The following LAMB3 variants were observed in gnomAD, a reference collection of about 807,000 sequenced individuals.
The protein encoded by LAMB3 is laminin subunit beta 3, also known as laminin subunit beta-3.
A neutral mutation model predicts 140.3 loss-of-function variants in LAMB3; 104 were observed. The observed-to-expected ratio is 0.74, with a 90% CI of 0.63 to 0.87. The LOEUF is 0.87. Ranked by LOEUF, LAMB3 falls within the 40% of genes least tolerant of loss-of-function variation. The pLI, the probability that LAMB3 is intolerant of heterozygous loss-of-function variation, is 0.00. For synonymous variants in LAMB3, 592 were observed against 602.9 expected (o/e 0.98, Z 0.26); for missense variants, 1,531 against 1,575.2 (o/e 0.97, Z 0.47).
intron 3 of LAMB3, among the ~76,000 whole-genome samples, chr1:209,639,848 T>G (rs2076450851): frequency 6.6e-6 from 1 of 152,218 alleles, no homozygotes; most frequent in South Asian, 2.1e-4. Context: ...CTCCTGGACC[T>G]GCAGGTCCTT....
chr1:209,621,314 C>T (rs1179897274), intron 18 of LAMB3, among the ~76,000 whole-genome samples: 1 of 152,216 alleles, frequency 6.6e-6, no homozygotes, highest in African/African-American at 2.4e-5. Flanking sequence ...GGGGCACAAT[C>T]TCCCTACATC....
chr1:209,640,329 C>A (rs553491800), intron 3 of LAMB3, among the ~76,000 whole-genome samples: 1 of 152,244 alleles, frequency 6.6e-6, no homozygotes. Flanking sequence ...GCAGGCAGAT[C>A]ACGAGGTCAG....
At chr1:209,648,986 A>G (rs2076541386) in intron 3 of LAMB3, among the ~76,000 whole-genome samples, 1 of 152,154 alleles carries the variant, frequency 6.6e-6, no homozygotes, top group Admixed American at 6.5e-5. Context: ...ACCCTGTCAA[A>G]TGAGCTTCCC....
intron 12 of LAMB3, 132 bp from the exon 13 acceptor site, chr1:209,627,110 G>T: frequency 1.3e-6 from 1 of 776,668 alleles, no homozygotes; most frequent in Non-Finnish European, 2.2e-6. Context: ...GAGCTGCTGT[G>T]CCCACAAAAC....
intron 1 of LAMB3, 137 bp from the exon 2 acceptor site, chr1:209,651,118 G>A: frequency 1.4e-6 from 1 of 701,562 alleles, no homozygotes; most frequent in African/African-American, 1.8e-5. Flanking sequence ...ACTTGGAGCA[G>A]CAGATACATT....
rs573466593 is a variant in LAMB3, at chr1:209,642,871, G to A, written c.184-4223C>T. 8.0e-4 allele frequency among the ~76,000 whole-genome samples: 122 copies of A among 152,264 alleles called. 1 individual carries two copies. The highest frequency in any genetic ancestry group is 2.8e-3 in the African/African-American group (118 of 41,544). On this transcript the variant is annotated intron_variant, in intron 3 of 22. Coordinates refer to ENST00000356082, the MANE Select transcript of LAMB3 (RefSeq NM_000228.3). The stretch of plus-strand genomic sequence containing the variant: ...AACAAAACCAACTAAAAATGGCCAG[G>A]GTTTATTGCCCTGCTCCTCCCTCAG...
Position 209,622,381 on chromosome 1 carries a change from C to T in LAMB3, c.2701+155G>A, listed in dbSNP as rs559140001. Among the ~76,000 whole-genome samples the T allele has an allele frequency of 8.5e-5, 13 of 152,178 alleles. No homozygotes were observed. In the East Asian group the frequency reaches 1.2e-3, roughly 14 times the overall value. On this transcript the variant is annotated intron_variant, in intron 18 of 22. Coordinates refer to ENST00000356082, the MANE Select transcript of LAMB3 (RefSeq NM_000228.3). ...TGGGTGGGGAGGGCAGACGGGAGAA[C>T]GAGAAGGTCATGGCCATGGTGCCAA...
chr1:209,631,682 G>C (rs1265200164), intron 8 of LAMB3, among the ~76,000 whole-genome samples: 2 of 152,148 alleles, frequency 1.3e-5, no homozygotes, highest in Non-Finnish European at 2.9e-5. Context: ...CTCCCACCTC[G>C]TCATGTCATA....
chr1:209,619,764 G>C (rs1211450208), intron 18 of LAMB3, among the ~76,000 whole-genome samples: 1 of 152,196 alleles, frequency 6.6e-6, no homozygotes, highest in Non-Finnish European at 1.5e-5. Context: ...CCCAGGCCCA[G>C]TTTCACTCTA....
intron 19 of LAMB3, among the ~76,000 whole-genome samples, 171 bp downstream of exon 19, chr1:209,618,281 T>C (rs1666057766): frequency 6.6e-6 from 1 of 152,180 alleles, no homozygotes; most frequent in African/African-American, 2.4e-5. Context: ...GAAGACACAG[T>C]CATGCAAATT....
intron 3 of LAMB3, among the ~76,000 whole-genome samples, chr1:209,647,564 G>A (rs1360718704): frequency 1.3e-5 from 2 of 152,214 alleles, no homozygotes; most frequent in African/African-American, 4.8e-5. Context: ...ATAGAACAGA[G>A]GCACTAGCCA....
At chr1:209,646,076 G>A (rs1196922093) in intron 3 of LAMB3, among the ~76,000 whole-genome samples, 1 of 152,224 alleles carries the variant, frequency 6.6e-6, no homozygotes. Context: ...CTGTTATTAA[G>A]GCAGCTGGGC....
rs779681550 is a variant in LAMB3 at position 209,629,921 on chromosome 1, G to A, written c.948C>T (p.Cys316=). 1.8e-5 allele frequency: 29 copies of A among 1,613,536 alleles called. No homozygotes were observed. The highest frequency in any genetic ancestry group is 4.5e-5 in the East Asian group (2 of 44,890). ...EGQDAHECQR[C]DCNGHSETCH... is the part of the protein sequence containing the mutation. The stretch of plus-strand genomic sequence containing the variant: ...ATGTCTCTGAGTGCCCATTGCAGTC[G>A]CACCCTGGAAAAAGAGAGTCCCAGG... The change falls in exon 10 of 23, where the codon TGC becomes TGT. Residue 316 remains cysteine (C), a synonymous_variant. Transcript: ENST00000356082.
rs200469035 is a variant in LAMB3 at position 209,615,355 on chromosome 1, C to T, written c.3435G>A (p.Ala1145=). The part of the protein sequence containing the change: ...RGSQAIMLRS[A]DLTGLEKRVE... ...CACGCTTCTCCAGTCCTGTCAGGTC[C>T]GCTGAGCGCAGCATGATGGCCTGGC... Residue 1145 remains alanine, a synonymous_variant, in exon 23 of 23, where the codon GCG becomes GCA. Coordinates refer to ENST00000356082, the MANE Select transcript of LAMB3 (RefSeq NM_000228.3). 1.6e-4 allele frequency: 257 copies of T among 1,613,334 alleles called. No individual in the cohort carries two copies. Among genetic ancestry groups the T allele is most frequent in the Non-Finnish European group, 1.9e-4 (220 of 1,179,630 alleles).
chr1:209,651,697 T>C (rs2076567736), intron 1 of LAMB3, among the ~76,000 whole-genome samples: 1 of 152,102 alleles, frequency 6.6e-6, no homozygotes, highest in Non-Finnish European at 1.5e-5. Flanking sequence ...TGAAGGAGGC[T>C]GGGGAAGGAT....
chr1:209,638,084 T>G, intron 4 of LAMB3, 103 bp from the exon 5 acceptor site: 7 of 938,114 alleles, frequency 7.5e-6, no homozygotes, highest in South Asian at 1.4e-5. Flanking sequence ...AGAAACTCTC[T>G]AACCTTGATT....
At chr1:209,646,055 G>A (rs768904993) in intron 3 of LAMB3, among the ~76,000 whole-genome samples, 7 of 152,224 alleles carry the variant, frequency 4.6e-5, no homozygotes, top group Non-Finnish European at 8.8e-5. Flanking sequence ...TGAGGAATGC[G>A]CTGTGTAAGA....
intron 3 of LAMB3, among the ~76,000 whole-genome samples, chr1:209,641,893 C>T (rs969375015): frequency 3.3e-5 from 5 of 152,206 alleles, no homozygotes; most frequent in Non-Finnish European, 7.3e-5. Flanking sequence ...AACTTTTCCA[C>T]TCCCGTCCTC....
rs535099299 is a variant in LAMB3, at chr1:209,628,570, G to T, written c.1133-380C>A. On this transcript the variant is annotated intron_variant, in intron 10 of 22. Coordinates refer to ENST00000356082, the MANE Select transcript of LAMB3 (RefSeq NM_000228.3). ...AAATTAGCCAGGCACGGTGGCGCATGCCTGTAATGCCAGCTACCAGGAGGC... is the reference window on the plus strand; with the variant it reads ...AAATTAGCCAGGCACGGTGGCGCATTCCTGTAATGCCAGCTACCAGGAGGC... Among the ~76,000 whole-genome samples the T allele has an allele frequency of 2.3e-3, 351 of 152,292 alleles. 1 individual carries two copies. The highest frequency in any genetic ancestry group is 8.0e-3 in the African/African-American group (332 of 41,554).
Sources: allele counts gnomAD v4.1 joint callset (sites outside exome capture counted in the v4.1 genomes callset), GRCh38; gene constraint gnomAD v4.1.1; transcripts MANE v1.5; gene names NCBI Gene and HGNC (gene_info 2026-07-23, HGNC 2026-07-21).